Variants in PRKG1 observed in about 807,000 individuals in gnomAD.
The protein encoded by PRKG1 is cGMP-dependent protein kinase 1.
In PRKG1, 35 loss-of-function variants were observed where a neutral mutation model predicts 88.1. That is an observed-to-expected ratio of 0.40 (90% CI 0.30 to 0.53). The LOEUF is 0.53. Among genes scored for constraint, PRKG1 ranks in the 20% least tolerant of loss-of-function variants. PRKG1 has a pLI of 0.59. For missense variants in PRKG1, 540 were observed against 839.8 expected, an observed-to-expected ratio of 0.64 and a Z score of 4.41; for synonymous variants, 303 against 292.5, an observed-to-expected ratio of 1.04 and a Z score of -0.37.
intron 1 of PRKG1, among the ~76,000 whole-genome samples, chr10:51,028,036 G>A (rs1344217467): frequency 1.3e-5 from 2 of 152,142 alleles, no homozygotes; most frequent in Non-Finnish European, 2.9e-5. Context: ...GACAATCAAA[G>A]TGAAAGATCT....
chr10:52,239,357 A>AAAAG (rs1491474454), intron 9 of PRKG1, among the ~76,000 whole-genome samples: 1 of 105,286 alleles, frequency 9.5e-6, no homozygotes, highest in East Asian at 5.0e-4. Context: ...AAAAAAAAAA[A>AAAAG]GAGATTCCTT....
intron 5 of PRKG1, among the ~76,000 whole-genome samples, chr10:52,020,793 C>T (rs866449914): frequency 1.3e-5 from 2 of 152,122 alleles, no homozygotes; most frequent in African/African-American, 4.8e-5. Flanking sequence ...AGGTCATAGT[C>T]AGCCACTTTG....
chr10:51,918,103 T>C (rs1326000604), intron 5 of PRKG1, among the ~76,000 whole-genome samples: 1 of 152,202 alleles, frequency 6.6e-6, no homozygotes, highest in East Asian at 1.9e-4. Context: ...ACTATTCTTA[T>C]TATTCCTAGT....
intron 3 of PRKG1, among the ~76,000 whole-genome samples, chr10:51,680,405 C>T (rs1473317232): frequency 6.6e-6 from 1 of 152,158 alleles, no homozygotes; most frequent in Non-Finnish European, 1.5e-5. Flanking sequence ...TCCTTGCTTT[C>T]GCTTCTTTGT....
chr10:51,261,644 A>G (rs1461398143), intron 2 of PRKG1, among the ~76,000 whole-genome samples: 1 of 152,186 alleles, frequency 6.6e-6, no homozygotes, highest in Admixed American at 6.5e-5. Context: ...TATCTTAAGA[A>G]CGCATTCTTT....
chr10:51,543,752 A>G (rs1842373226), intron 3 of PRKG1, among the ~76,000 whole-genome samples: 1 of 152,206 alleles, frequency 6.6e-6, no homozygotes, highest in South Asian at 2.1e-4. Flanking sequence ...GCCATGGGTG[A>G]ACAGGGGCAG....
intron 1 of PRKG1, among the ~76,000 whole-genome samples, chr10:51,099,004 T>C (rs1328896231): frequency 6.6e-6 from 1 of 152,170 alleles, no homozygotes; most frequent in Non-Finnish European, 1.5e-5. Context: ...GAGTTGTAAT[T>C]TTTCCTCCAG....
At chr10:51,298,330 T>A (rs969030833) in intron 2 of PRKG1, among the ~76,000 whole-genome samples, 1 of 152,192 alleles carries the variant, frequency 6.6e-6, no homozygotes, top group Non-Finnish European at 1.5e-5. Flanking sequence ...ATATTATGAC[T>A]AAGCTTGTGA....
rs74132426 is a variant in PRKG1 at position 51,788,115 on chromosome 10, A to G, written c.593-16470A>G. 8.9e-3 allele frequency among the ~76,000 whole-genome samples: 1,356 copies of G among 152,302 alleles called. 26 individuals are homozygous for G. Among genetic ancestry groups the G allele is most frequent in the African/African-American group, 0.031 (1,281 of 41,560 alleles). On this transcript the variant is annotated intron_variant, in intron 3 of 17. Coordinates refer to ENST00000373980, the MANE Select transcript of PRKG1 (RefSeq NM_006258.4). ...AAAGGAGTATGTTTAGTGTGTTTAA[A>G]CAGAATCTTTCTAGAAGTCATTCAG...
intron 1 of PRKG1, among the ~76,000 whole-genome samples, chr10:51,112,856 G>C (rs1845011251): frequency 6.6e-6 from 1 of 152,168 alleles, no homozygotes; most frequent in Non-Finnish European, 1.5e-5. Context: ...ATGAATGCTA[G>C]ACTAGTTTGA....
At chr10:51,034,668 T>TTATATATATATATA (rs1554831108) in intron 1 of PRKG1, among the ~76,000 whole-genome samples, 19 of 68,176 alleles carry the variant, frequency 2.8e-4, no homozygotes, top group East Asian at 1.0e-3. Flanking sequence ...AATATGTTAT[T>TTATATATATATATA]TATATATATA....
chr10:51,865,709 C>A lies in PRKG1; in HGVS notation c.699-41798C>A, dbSNP rs146887180. On this transcript the variant is annotated intron_variant, in intron 4 of 17. Transcript: ENST00000373980. ...CACCCTCTCACTACCTCTGGACTGG[C>A]ACTCAGGTCAGAGTACTCAGGAATG... is the stretch of plus-strand genomic sequence containing the variant. Among the ~76,000 whole-genome samples, 12 of 152,192 alleles carry A rather than the reference C, an allele frequency of 7.9e-5. 1 individual carries two copies. In the East Asian group the frequency reaches 2.3e-3, roughly 29 times the overall value.
At chr10:51,173,168 C>T (rs1241994744) in intron 2 of PRKG1, among the ~76,000 whole-genome samples, 1 of 151,944 alleles carries the variant, frequency 6.6e-6, no homozygotes, top group Non-Finnish European at 1.5e-5. Context: ...AACAATACAG[C>T]TTTTGAAAAC....
chr10:51,125,206 C>A (rs999411134), intron 1 of PRKG1, among the ~76,000 whole-genome samples: 1 of 151,828 alleles, frequency 6.6e-6, no homozygotes, highest in Non-Finnish European at 1.5e-5. Context: ...CAGCTGTGGT[C>A]CCAGCTACTC....
chr10:51,552,176 T>G (rs1245400607), intron 3 of PRKG1, among the ~76,000 whole-genome samples: 2 of 151,690 alleles, frequency 1.3e-5, no homozygotes, highest in African/African-American at 2.4e-5. Flanking sequence ...ATATAAACAC[T>G]AGAAAAATCT....
At chr10:52,021,559 G>C (rs1214081200) in intron 5 of PRKG1, among the ~76,000 whole-genome samples, 2 of 152,158 alleles carry the variant, frequency 1.3e-5, no homozygotes, top group Non-Finnish European at 2.9e-5. Context: ...AGTATATAAA[G>C]TATATTTCCA....
chr10:51,665,465 A>G (rs1840400253), intron 3 of PRKG1, among the ~76,000 whole-genome samples: 3 of 152,136 alleles, frequency 2.0e-5, no homozygotes, highest in African/African-American at 7.2e-5. Flanking sequence ...TTAAGACCGT[A>G]TGATCAGTAA....
chr10:51,465,166 T>C (rs1291770566), intron 2 of PRKG1, among the ~76,000 whole-genome samples: 2 of 152,180 alleles, frequency 1.3e-5, no homozygotes, highest in East Asian at 3.9e-4. Flanking sequence ...GCGAATATCT[T>C]ATCTTTACAA....
chr10:52,122,690 C>T (rs1847847289), intron 7 of PRKG1, among the ~76,000 whole-genome samples: 1 of 152,108 alleles, frequency 6.6e-6, no homozygotes, highest in Admixed American at 6.5e-5. Flanking sequence ...ATATTTGAAG[C>T]AAAAGTACAG....
Sources: allele counts gnomAD v4.1 joint callset (sites outside exome capture counted in the v4.1 genomes callset), GRCh38; gene constraint gnomAD v4.1.1; transcripts MANE v1.5; gene names NCBI Gene and HGNC (gene_info 2026-07-23, HGNC 2026-07-21).